The following VDAC1 variants were observed in gnomAD, a reference collection of about 807,000 sequenced individuals.
VDAC1 encodes non-selective voltage-gated ion channel VDAC1.
A neutral mutation model predicts 34.7 loss-of-function variants in VDAC1; 10 were observed. The observed-to-expected ratio is 0.29, with a 90% CI of 0.18 to 0.49. VDAC1 has a LOEUF of 0.49. Among genes scored for constraint, VDAC1 ranks in the 20% least tolerant of loss-of-function variants. VDAC1 has a pLI of 0.99. For synonymous variants in VDAC1, 130 were observed against 136.0 expected, an observed-to-expected ratio of 0.96 and a Z score of 0.30; for missense variants, 230 against 347.9, an observed-to-expected ratio of 0.66 and a Z score of 2.69.
the VDAC1 span, among the ~76,000 whole-genome samples, chr5:134,064,471 A>G: frequency 2.6e-5 from 4 of 151,632 alleles, no homozygotes; most frequent in East Asian, 7.8e-4. Context: ...CACCTGGCTA[A>G]TTTTTGTATT....
At chr5:134,000,061 A>G (rs1753483479) in intron 1 of VDAC1, among the ~76,000 whole-genome samples, 1 of 152,122 alleles carries the variant, frequency 6.6e-6, no homozygotes, top group Non-Finnish European at 1.5e-5. Context: ...CCCTAGCTCT[A>G]AAAGCCAACA....
chr5:134,069,575 T>C, the VDAC1 span, among the ~76,000 whole-genome samples: 1 of 152,136 alleles, frequency 6.6e-6, no homozygotes, highest in African/African-American at 2.4e-5. Flanking sequence ...GGTTGAATCA[T>C]CAGACCCGGA....
chr5:133,978,163 A>G (rs1249700308), intron 6 of VDAC1, among the ~76,000 whole-genome samples: 6 of 147,484 alleles, frequency 4.1e-5, no homozygotes, highest in Non-Finnish European at 7.4e-5. Flanking sequence ...TACATTCTAA[A>G]TTTTCTTTTT....
chr5:133,986,833 C>T (rs960225944), intron 5 of VDAC1, among the ~76,000 whole-genome samples: 2 of 152,128 alleles, frequency 1.3e-5, no homozygotes, highest in African/African-American at 4.8e-5. Flanking sequence ...CTCTGAAAAA[C>T]GACAGAGGTT....
the VDAC1 span, among the ~76,000 whole-genome samples, chr5:134,050,078 G>A: frequency 3.0e-4 from 45 of 152,042 alleles, no homozygotes; most frequent in Middle Eastern, 3.4e-3. Context: ...GTGAAACTCC[G>A]TTTCTACTAA....
intron 6 of VDAC1, among the ~76,000 whole-genome samples, 189 bp downstream of exon 6, chr5:133,980,540 A>G (rs747726589): frequency 4.0e-5 from 6 of 151,866 alleles, no homozygotes; most frequent in Non-Finnish European, 8.8e-5. Context: ...CACTCCAGGA[A>G]ATGGGTAGGT....
chr5:133,982,739 A>T (rs1042996942), intron 5 of VDAC1, among the ~76,000 whole-genome samples: 1 of 151,100 alleles, frequency 6.6e-6, no homozygotes, highest in Non-Finnish European at 1.5e-5. Flanking sequence ...AAAATGCAAA[A>T]ATTAGCTGGG....
intron 1 of VDAC1, among the ~76,000 whole-genome samples, chr5:133,995,411 T>C (rs1002530175): frequency 6.6e-6 from 1 of 152,190 alleles, no homozygotes; most frequent in Non-Finnish European, 1.5e-5. Context: ...CCCATCTCCT[T>C]GAACACCGAC....
the VDAC1 span, among the ~76,000 whole-genome samples, chr5:134,040,559 A>T: frequency 4.0e-4 from 60 of 149,606 alleles, no homozygotes; most frequent in African/African-American, 1.4e-3. Context: ...TGGGTGACAG[A>T]GTGAGACTCC....
At chr5:134,019,988 T>C in the VDAC1 span, among the ~76,000 whole-genome samples, 2 of 152,102 alleles carry the variant, frequency 1.3e-5, no homozygotes, top group African/African-American at 4.8e-5. Flanking sequence ...GGTTGGCTAA[T>C]GAGCTCGCAA....
chr5:134,107,065 A>G, the VDAC1 span, among the ~76,000 whole-genome samples: 1 of 152,208 alleles, frequency 6.6e-6, no homozygotes, highest in African/African-American at 2.4e-5. Flanking sequence ...ACTCTTACAG[A>G]GACCACCCCT....
the VDAC1 span, among the ~76,000 whole-genome samples, chr5:134,032,950 T>C: frequency 3.3e-5 from 5 of 151,322 alleles, no homozygotes; most frequent in South Asian, 2.2e-4. Context: ...GGAAGATTGC[T>C]TGAGCCCAGA....
At chr5:134,052,516 G>C in the VDAC1 span, among the ~76,000 whole-genome samples, 1 of 151,906 alleles carries the variant, frequency 6.6e-6, no homozygotes, top group Non-Finnish European at 1.5e-5. Flanking sequence ...GGCTGGTCTC[G>C]AACTCCTGGG....
chr5:133,983,353 A>T (rs1303701903), intron 5 of VDAC1, among the ~76,000 whole-genome samples: 2 of 152,198 alleles, frequency 1.3e-5, no homozygotes, highest in African/African-American at 2.4e-5. Flanking sequence ...AAAGATACAT[A>T]ATAAAATATT....
chr5:134,111,222 G>A, the VDAC1 span, among the ~76,000 whole-genome samples: 1 of 152,210 alleles, frequency 6.6e-6, no homozygotes, highest in Non-Finnish European at 1.5e-5. Context: ...ATCTAAAGCT[G>A]GAGCTCATCT....
the VDAC1 span, among the ~76,000 whole-genome samples, chr5:134,032,201 A>C: frequency 6.6e-6 from 1 of 150,884 alleles, no homozygotes; most frequent in Non-Finnish European, 1.5e-5. Context: ...GAATGCAAGG[A>C]GTACAGCTCT....
chr5:133,987,568 C>A (rs564152618), intron 5 of VDAC1, among the ~76,000 whole-genome samples: 68 of 152,180 alleles, frequency 4.5e-4, no homozygotes, highest in African/African-American at 1.5e-3. Flanking sequence ...GTCCCAGCTA[C>A]TTGGGAGGCT....
chr5:134,093,768 T>G, the VDAC1 span, among the ~76,000 whole-genome samples: 3 of 152,118 alleles, frequency 2.0e-5, no homozygotes, highest in East Asian at 5.8e-4. Flanking sequence ...CCCACAGAGT[T>G]CTAGGGGGAG....
At chr5:134,019,468 T>A in the VDAC1 span, among the ~76,000 whole-genome samples, 1 of 152,052 alleles carries the variant, frequency 6.6e-6, no homozygotes, top group Non-Finnish European at 1.5e-5. Flanking sequence ...TAGTCCCAGC[T>A]ACTGAGGAGG....
Sources: gnomAD v4.1 joint callset for allele counts (sites outside exome capture counted in the v4.1 genomes callset) on GRCh38, gnomAD v4.1.1 for gene constraint, MANE v1.5 for transcripts, NCBI Gene and HGNC (gene_info 2026-07-23, HGNC 2026-07-21) for gene names.